Variants in GFRA1 observed in about 807,000 individuals in gnomAD.
GFRA1 encodes GDNF family receptor alpha 1.
In GFRA1, 16 loss-of-function variants were observed where a neutral mutation model predicts 51.6. The observed-to-expected ratio is 0.31, with a 90% CI of 0.21 to 0.47. The LOEUF (loss-of-function observed/expected upper bound fraction) is 0.47. Ranked by LOEUF, GFRA1 falls within the 20% of genes least tolerant of loss-of-function variation. The probability of loss-of-function intolerance (pLI) is 1.00; values close to 1 mark genes in which losing one functional copy is unlikely to be tolerated. For synonymous variants in GFRA1, 270 were observed against 241.3 expected (o/e 1.12, Z -1.10); for missense variants, 530 against 594.3 (o/e 0.89, Z 1.13).
intron 5 of GFRA1, among the ~76,000 whole-genome samples, chr10:116,175,455 T>C (rs1961492058): frequency 6.6e-6 from 1 of 152,146 alleles, no homozygotes; most frequent in African/African-American, 2.4e-5. Flanking sequence ...AAAAATGCAA[T>C]GTTAGATTAC....
intron 9 of GFRA1, among the ~76,000 whole-genome samples, chr10:116,066,464 G>T (rs982351273): frequency 5.9e-5 from 9 of 152,120 alleles, no homozygotes; most frequent in African/African-American, 1.9e-4. Context: ...TCCTCAACTG[G>T]AACAACCCTC....
intron 5 of GFRA1, among the ~76,000 whole-genome samples, chr10:116,173,728 T>C (rs1961274592): frequency 1.3e-5 from 2 of 151,924 alleles, no homozygotes; most frequent in South Asian, 4.2e-4. Flanking sequence ...CTGGAGAAAG[T>C]TTTCTGATAT....
intron 4 of GFRA1, among the ~76,000 whole-genome samples, chr10:116,246,954 C>T (rs755123218): frequency 1.3e-5 from 2 of 152,098 alleles, no homozygotes; most frequent in Admixed American, 6.6e-5. Context: ...AAAGAATGCC[C>T]ATCAAGAGTG....
chr10:116,061,796 T>C lies in GFRA1; in HGVS notation c.*2602A>G. On this transcript the variant is annotated 3_prime_UTR_variant, in exon 11 of 11. Coordinates refer to ENST00000355422, the MANE Select transcript of GFRA1 (RefSeq NM_005264.8). ...AAGAAGAAGTGAGACAGGTAAATGA[T>C]TTAACTTATTGTGCTCCAGTTCTGG... is the stretch of plus-strand genomic sequence containing the variant. The C allele has an allele frequency of 2.5e-6, 1 of 393,558 alleles. No homozygotes were observed. The allele number at this position is 393,558 out of a possible 1,614,324, so 24.4% of individuals were successfully genotyped here. A position where few individuals can be genotyped will look rare whatever the true frequency, so the allele number is the denominator to read the frequency against.
At chr10:116,091,263 T>C (rs1956322079) in intron 8 of GFRA1, among the ~76,000 whole-genome samples, 1 of 152,214 alleles carries the variant, frequency 6.6e-6, no homozygotes, top group African/African-American at 2.4e-5. Context: ...TGCCAGGCAC[T>C]GAACTATGCA....
chr10:116,077,045 G>T (rs1955647264), intron 9 of GFRA1, among the ~76,000 whole-genome samples: 1 of 152,142 alleles, frequency 6.6e-6, no homozygotes, highest in Non-Finnish European at 1.5e-5. Flanking sequence ...GTTATTTGGA[G>T]GTATTCATAA....
intron 9 of GFRA1, among the ~76,000 whole-genome samples, chr10:116,070,995 G>C (rs1955364870): frequency 6.6e-6 from 1 of 152,208 alleles, no homozygotes; most frequent in Non-Finnish European, 1.5e-5. Flanking sequence ...CGTAAAACAA[G>C]TGGACACATA....
chr10:116,142,904 C>T (rs1454526153), intron 5 of GFRA1, among the ~76,000 whole-genome samples: 4 of 152,128 alleles, frequency 2.6e-5, no homozygotes, highest in East Asian at 1.9e-4. Flanking sequence ...CTGAAATTGG[C>T]CTTATTTTTC....
At chr10:116,195,097 G>A (rs1276378426) in intron 5 of GFRA1, among the ~76,000 whole-genome samples, 1 of 152,168 alleles carries the variant, frequency 6.6e-6, no homozygotes, top group Non-Finnish European at 1.5e-5. Context: ...TAGGTGGTCA[G>A]CATTTGGGCC....
chr10:116,142,525 T>C (rs1386875504), intron 5 of GFRA1, among the ~76,000 whole-genome samples: 1 of 152,220 alleles, frequency 6.6e-6, no homozygotes, highest in Non-Finnish European at 1.5e-5. Flanking sequence ...TAGCCAGTAA[T>C]TGTTTATTAC....
chr10:116,253,614 GA>G (rs78090181), intron 4 of GFRA1, among the ~76,000 whole-genome samples: 50,951 of 148,910 alleles, frequency 0.34, 10,235 homozygotes, highest in African/African-American at 0.57. Context: ...TCTCACAAGA[GA>G]AAAAAAAAAT....
intron 6 of GFRA1, among the ~76,000 whole-genome samples, chr10:116,114,030 G>C (rs769547319): frequency 6.6e-6 from 1 of 152,188 alleles, no homozygotes; most frequent in Non-Finnish European, 1.5e-5. Flanking sequence ...GTGTGGCTTT[G>C]CTTCCTAAGG....
intron 5 of GFRA1, among the ~76,000 whole-genome samples, chr10:116,167,059 A>C (rs1016247321): frequency 2.0e-5 from 3 of 152,000 alleles, no homozygotes; most frequent in Non-Finnish European, 4.4e-5. Flanking sequence ...TCGGCCTCCC[A>C]AAGTGCTGGG....
At chr10:116,178,308 GT>G (rs199809029) in intron 5 of GFRA1, among the ~76,000 whole-genome samples, 3 of 144,114 alleles carry the variant, frequency 2.1e-5, no homozygotes, top group Admixed American at 7.0e-5. Context: ...CCGGGGGGGC[GT>G]TTTACTCCCC....
At position 116,060,937 on chromosome 10, in the gene GFRA1, A is replaced by G. The variant is rs1954782262; in HGVS notation, c.*3461T>C. ...ATTCTGAGAAAAGAATTCGCTAATT[A>G]TATAAACTCCCACTGCTCTTACATC... On this transcript the variant is annotated 3_prime_UTR_variant, in exon 11 of 11. Transcript: ENST00000355422. 6.6e-6 allele frequency: 1 copy of G among 152,220 alleles called. No homozygotes were observed. The highest frequency in any genetic ancestry group is 1.5e-5 in the Non-Finnish European group (1 of 68,036). 9.4% of individuals were successfully genotyped at this position (152,220 alleles called of 1,614,324 possible).
chr10:116,170,850 G>A (rs1488433111), intron 5 of GFRA1, among the ~76,000 whole-genome samples: 9 of 152,082 alleles, frequency 5.9e-5, no homozygotes, highest in African/African-American at 1.9e-4. Flanking sequence ...TGTTCTCCAG[G>A]GGCCTTGACT....
chr10:116,145,148 CAAAAAAAAA>C (rs58509181), intron 5 of GFRA1, among the ~76,000 whole-genome samples: 1 of 28,738 alleles, frequency 3.5e-5, no homozygotes, highest in Non-Finnish European at 5.7e-5. Flanking sequence ...GACTCTGTCT[CAAAAAAAAA>C]AAAAAAAAAA....
At chr10:116,073,968 C>T (rs1194770973) in intron 9 of GFRA1, among the ~76,000 whole-genome samples, 1 of 152,042 alleles carries the variant, frequency 6.6e-6, no homozygotes, top group East Asian at 1.9e-4. Context: ...AGCAGAAAAC[C>T]TTTAAAAGTT....
At chr10:116,156,600 T>C (rs1415085949) in intron 5 of GFRA1, among the ~76,000 whole-genome samples, 1 of 152,182 alleles carries the variant, frequency 6.6e-6, no homozygotes, top group Non-Finnish European at 1.5e-5. Flanking sequence ...AACACCTCAA[T>C]TCCAGGTTGT....
Sources: allele counts gnomAD v4.1 joint callset (sites outside exome capture counted in the v4.1 genomes callset), GRCh38; gene constraint gnomAD v4.1.1; transcripts MANE v1.5; gene names NCBI Gene and HGNC (gene_info 2026-07-23, HGNC 2026-07-21).